KLF15: variants seen among roughly 807,000 people sequenced by gnomAD.
KLF15 encodes the protein Krueppel-like factor 15.
In KLF15, 4 loss-of-function variants were observed where a neutral mutation model predicts 24.6. That is an observed-to-expected ratio of 0.16 (90% CI 0.08 to 0.37). The LOEUF is 0.37. KLF15 is among the 10% of genes least tolerant of loss of function. The pLI is 1.00. For missense variants in KLF15, 496 were observed against 560.6 expected (o/e 0.88, Z 1.16); for synonymous variants, 246 against 236.3 (o/e 1.04, Z -0.37).
At chr3:126,319,721 G>A in the KLF15 span, among the ~76,000 whole-genome samples, 9 of 152,226 alleles carry the variant, frequency 5.9e-5, no homozygotes, top group African/African-American at 1.7e-4. Flanking sequence ...GGCATATCAA[G>A]GCTTTTTTTC....
At chr3:126,307,667 A>T in the KLF15 span, among the ~76,000 whole-genome samples, 2 of 152,130 alleles carry the variant, frequency 1.3e-5, no homozygotes, top group Admixed American at 6.5e-5. Context: ...AAAGACCGGG[A>T]TATTTCACAT....
the KLF15 span, among the ~76,000 whole-genome samples, chr3:126,310,506 G>T: frequency 2.0e-5 from 3 of 152,260 alleles, no homozygotes; most frequent in South Asian, 6.2e-4. Flanking sequence ...GTCTTAGTTT[G>T]CTTAGGCTAC....
intron 2 of KLF15, among the ~76,000 whole-genome samples, chr3:126,350,136 T>C (rs2082571236): frequency 6.6e-6 from 1 of 152,214 alleles, no homozygotes; most frequent in South Asian, 2.1e-4. Context: ...CCCACATACC[T>C]GTGCCCTCGC....
In KLF15 at chr3:126,352,964, C is replaced by G. The variant is rs771953407; in HGVS notation, c.-25-17G>C. The G allele has an allele frequency of 4.4e-5, 69 of 1,561,790 alleles. 2 individuals carry two copies. In the South Asian group the frequency reaches 7.1e-4, roughly 16 times the overall value. On this transcript the variant is annotated splice_polypyrimidine_tract_variant and intron_variant, in intron 1 of 2. Transcript: ENST00000296233. ...CGGTGGCGGCTGCAGGAAAGGAACA[C>G]AGGAGGCCTGGTCAGAAGGACAGTG...
chr3:126,293,022 T>C, the KLF15 span, among the ~76,000 whole-genome samples: 2 of 151,646 alleles, frequency 1.3e-5, no homozygotes, highest in Non-Finnish European at 2.9e-5. Context: ...TCAAAGATGA[T>C]GTTTAGGCCA....
the KLF15 span, among the ~76,000 whole-genome samples, chr3:126,289,856 C>T: frequency 6.6e-6 from 1 of 152,190 alleles, no homozygotes; most frequent in African/African-American, 2.4e-5. Flanking sequence ...GGAGACAGGT[C>T]TGTGCCTTTC....
chr3:126,306,436 C>G, the KLF15 span, among the ~76,000 whole-genome samples: 10 of 152,156 alleles, frequency 6.6e-5, no homozygotes, highest in African/African-American at 2.4e-4. Context: ...AATGCGTAAC[C>G]CAGATGTTGG....
the KLF15 span, among the ~76,000 whole-genome samples, chr3:126,335,980 G>A: frequency 4.7e-5 from 7 of 148,222 alleles, no homozygotes; most frequent in East Asian, 3.9e-4. Flanking sequence ...AATCAATATC[G>A]TGAAAATGGC....
At chr3:126,328,969 A>G in the KLF15 span, among the ~76,000 whole-genome samples, 1 of 152,170 alleles carries the variant, frequency 6.6e-6, no homozygotes, top group Non-Finnish European at 1.5e-5. Flanking sequence ...GTTGACTCAT[A>G]TATTTCTATC....
At chr3:126,290,217 T>C in the KLF15 span, among the ~76,000 whole-genome samples, 3 of 152,332 alleles carry the variant, frequency 2.0e-5, no homozygotes, top group South Asian at 4.1e-4. Context: ...TGCTTTTCTA[T>C]GATCTGCTGC....
chr3:126,352,519 C>T lies in KLF15; in HGVS notation c.404G>A (p.Arg135Gln), dbSNP rs141580039. 6.2e-6 allele frequency: 10 copies of T among 1,613,008 alleles called. No homozygotes were observed. Among genetic ancestry groups the T allele is most frequent in the African/African-American group, 1.3e-5 (1 of 74,934 alleles). ...FPLGDPDDVP[R>Q]PFQPTLEEIE... ...CTCCTCCAGGGTAGGCTGGAAGGGC[C>T]GTGGGACGTCATCAGGATCACCCAA... The change falls in exon 2 of 3, where the codon CGG becomes CAG. Residue 135 changes from arginine (R) to glutamine (Q), a missense_variant. Physicochemically the swap from Arg to Gln is conservative, Grantham distance 43 (BLOSUM62 1). Coordinates refer to ENST00000296233, the MANE Select transcript of KLF15 (RefSeq NM_014079.4).
At chr3:126,308,553 T>C in the KLF15 span, among the ~76,000 whole-genome samples, 13 of 152,032 alleles carry the variant, frequency 8.6e-5, no homozygotes, top group Non-Finnish European at 1.5e-5. Flanking sequence ...ACCCTGGCGC[T>C]CGGGGGTTCT....
At chr3:126,343,982 G>T in intron 2 of KLF15, 87 bp from the exon 3 acceptor site, 1 of 1,354,430 alleles carries the variant, frequency 7.4e-7, no homozygotes, top group East Asian at 2.6e-5. Flanking sequence ...TGCAAGGCGT[G>T]CACCTGGCAC....
chr3:126,314,038 A>G, the KLF15 span, among the ~76,000 whole-genome samples: 1 of 152,226 alleles, frequency 6.6e-6, no homozygotes, highest in Non-Finnish European at 1.5e-5. Context: ...CAGAAACTGC[A>G]TGTGGCCACA....
At chr3:126,313,385 C>T in the KLF15 span, among the ~76,000 whole-genome samples, 3 of 152,196 alleles carry the variant, frequency 2.0e-5, no homozygotes, top group Non-Finnish European at 4.4e-5. Context: ...CTGACTCATA[C>T]AAGGGCCCAT....
intron 1 of KLF15, among the ~76,000 whole-genome samples, chr3:126,354,696 A>T (rs2082616210): frequency 6.6e-6 from 1 of 152,228 alleles, no homozygotes; most frequent in African/African-American, 2.4e-5. Context: ...CCTATTCACC[A>T]AATCAGGTGC....
chr3:126,352,202 G>T lies in KLF15; in HGVS notation c.721C>A (p.Gln241Lys). The T allele has an allele frequency of 6.4e-7, 1 of 1,551,550 alleles. No individual in the cohort carries two copies. The highest frequency in any genetic ancestry group is 8.7e-7 in the Non-Finnish European group (1 of 1,151,580). Residue 241 changes from glutamine (Q) to lysine (K), a missense_variant, in exon 2 of 3, where the codon CAA (glutamine) becomes AAA (lysine). By Grantham distance (53) the Gln-to-Lys change is moderately conservative. Coordinates refer to ENST00000296233, the MANE Select transcript of KLF15 (RefSeq NM_014079.4). Reference protein sequence around the residue: ...ESGTGPASPGQAPENVKVAQL... With the variant: ...ESGTGPASPGKAPENVKVAQL... ...GCAACCTTGACATTCTCTGGGGCTTGCCCAGGGGAGGCAGGCCCTGTGCCC... is the reference window on the plus strand; with the variant it reads ...GCAACCTTGACATTCTCTGGGGCTTTCCCAGGGGAGGCAGGCCCTGTGCCC...
the KLF15 span, among the ~76,000 whole-genome samples, chr3:126,298,302 GTT>G: frequency 2.1e-5 from 3 of 140,290 alleles, no homozygotes; most frequent in East Asian, 2.1e-4. Flanking sequence ...GGATTATTAG[GTT>G]TTTTTTTTTT....
the KLF15 span, among the ~76,000 whole-genome samples, chr3:126,327,877 A>G: frequency 6.6e-6 from 1 of 152,302 alleles, no homozygotes; most frequent in Middle Eastern, 3.4e-3. Context: ...AGACTTGTAT[A>G]TATACTTTTA....
Sources: gnomAD v4.1 joint callset for allele counts (sites outside exome capture counted in the v4.1 genomes callset) on GRCh38, gnomAD v4.1.1 for gene constraint, MANE v1.5 for transcripts, NCBI Gene and HGNC (gene_info 2026-07-23, HGNC 2026-07-21) for gene names.